The following YES1 variants were observed in gnomAD, a reference collection of about 807,000 sequenced individuals.
The protein encoded by YES1 is tyrosine-protein kinase Yes.
In YES1, 39 loss-of-function variants were observed where a neutral mutation model predicts 70.4. The ratio of observed to expected loss-of-function variants is 0.55; its 90% CI spans 0.43 to 0.72. The LOEUF (loss-of-function observed/expected upper bound fraction) is 0.72, where lower values mean the gene tolerates loss of function less well. Ranked by LOEUF, YES1 falls within the 30% of genes least tolerant of loss-of-function variation. The probability of loss-of-function intolerance (pLI) is 0.00; values close to 1 mark genes in which losing one functional copy is unlikely to be tolerated. For synonymous variants in YES1, 198 were observed against 218.6 expected (o/e 0.91, Z 0.83); for missense variants, 495 against 644.8 (o/e 0.77, Z 2.52).
chr18:746,011 A>G lies in YES1; in HGVS notation c.511T>C (p.Leu171=). 1.2e-6 allele frequency: 2 copies of G among 1,612,714 alleles called. No homozygotes were observed. The highest frequency in any genetic ancestry group is 1.7e-6 in the Non-Finnish European group (2 of 1,179,646). Residue 171 remains leucine, a synonymous_variant, in exon 5 of 12, where the codon TTA becomes CTA. Transcript: ENST00000314574. ...CGTTGATTTCCAGGATTCAAAAGTA[A>G]TCTTTCAGCATCTTTTCTCCCCATT... is the stretch of plus-strand genomic sequence containing the variant. ...GKMGRKDAER[L]LLNPGNQRGI...
At chr18:792,565 ATG>A (rs71174292) in intron 1 of YES1, among the ~76,000 whole-genome samples, 6,241 of 146,974 alleles carry the variant, frequency 0.042, 327 homozygotes, top group African/African-American at 0.12. Context: ...CCCTCTGTAT[ATG>A]TGTGTGTGTG....
chr18:797,748 T>C (rs1481497261), intron 1 of YES1, among the ~76,000 whole-genome samples: 2 of 152,218 alleles, frequency 1.3e-5, no homozygotes, highest in East Asian at 3.8e-4. Context: ...CTGCATTTAT[T>C]AACGTTCACC....
intron 1 of YES1, among the ~76,000 whole-genome samples, chr18:779,175 G>A (rs1364323143): frequency 6.6e-6 from 1 of 152,068 alleles, no homozygotes; most frequent in Admixed American, 6.6e-5. Flanking sequence ...GCTGAGGTGG[G>A]AGAATCACTT....
chr18:751,329 C>T (rs796860524), intron 3 of YES1, among the ~76,000 whole-genome samples: 71 of 151,810 alleles, frequency 4.7e-4, no homozygotes, highest in African/African-American at 1.7e-3. Flanking sequence ...CAACTTTCTC[C>T]CCCTCCTTTT....
chr18:800,478 G>A (rs1403399477), intron 1 of YES1, among the ~76,000 whole-genome samples: 2 of 152,182 alleles, frequency 1.3e-5, no homozygotes, highest in Admixed American at 6.5e-5. Flanking sequence ...ACATGTGAAG[G>A]AGTTGTACTG....
chr18:776,402 C>T (rs930883747), intron 1 of YES1, among the ~76,000 whole-genome samples: 2 of 152,052 alleles, frequency 1.3e-5, no homozygotes, highest in Non-Finnish European at 2.9e-5. Flanking sequence ...GTAGGAGTCT[C>T]TCACTGTGAT....
chr18:760,578 T>G (rs1416535619), intron 1 of YES1, among the ~76,000 whole-genome samples: 1 of 152,200 alleles, frequency 6.6e-6, no homozygotes, highest in Non-Finnish European at 1.5e-5. Flanking sequence ...ATCATGGACT[T>G]GAGCATCTGG....
chr18:782,493 G>A (rs1905722747), intron 1 of YES1, among the ~76,000 whole-genome samples: 1 of 151,992 alleles, frequency 6.6e-6, no homozygotes, highest in Non-Finnish European at 1.5e-5. Flanking sequence ...AAAATACTTA[G>A]GGCTCACTAC....
intron 1 of YES1, among the ~76,000 whole-genome samples, chr18:796,991 A>G (rs1367919987): frequency 1.3e-5 from 2 of 152,162 alleles, no homozygotes; most frequent in Non-Finnish European, 2.9e-5. Flanking sequence ...AACAAAACAA[A>G]AACCTGTAAG....
At chr18:731,559 C>T (rs189363898) in intron 11 of YES1, among the ~76,000 whole-genome samples, 4 of 152,254 alleles carry the variant, frequency 2.6e-5, no homozygotes, top group Admixed American at 6.5e-5. Context: ...TGCTTTCACT[C>T]TCAACATTAG....
At chr18:802,343 G>A (rs1343996177) in intron 1 of YES1, among the ~76,000 whole-genome samples, 1 of 152,186 alleles carries the variant, frequency 6.6e-6, no homozygotes. Flanking sequence ...CAAGGCAGGT[G>A]GATCACCTGA....
intron 8 of YES1, among the ~76,000 whole-genome samples, chr18:740,762 A>G (rs970153337): frequency 6.6e-6 from 1 of 152,244 alleles, no homozygotes; most frequent in African/African-American, 2.4e-5. Context: ...AAATAATTGT[A>G]CCCAGTGGTC....
At chr18:799,947 T>C (rs1035721611) in intron 1 of YES1, among the ~76,000 whole-genome samples, 5 of 152,208 alleles carry the variant, frequency 3.3e-5, no homozygotes, top group African/African-American at 9.6e-5. Flanking sequence ...GACATATATT[T>C]ATGGAATATG....
chr18:811,801 G>A (rs918704842), intron 1 of YES1, among the ~76,000 whole-genome samples: 1 of 152,066 alleles, frequency 6.6e-6, no homozygotes, highest in African/African-American at 2.4e-5. Flanking sequence ...TCGCCGGGCG[G>A]TCCACACGAC....
chr18:811,868 G>A (rs377488075), intron 1 of YES1, among the ~76,000 whole-genome samples: 29 of 152,286 alleles, frequency 1.9e-4, no homozygotes, highest in African/African-American at 7.0e-4. Flanking sequence ...GGTCGGACTT[G>A]GGCGGGACCC....
intron 1 of YES1, among the ~76,000 whole-genome samples, chr18:777,806 TAAAAAA>T (rs35073440): frequency 1.0e-4 from 13 of 129,268 alleles, no homozygotes; most frequent in Non-Finnish European, 1.6e-4. Flanking sequence ...GACTCTGGCT[TAAAAAA>T]AAAAAAAAAA....
At chr18:795,733 C>T (rs1358355822) in intron 1 of YES1, among the ~76,000 whole-genome samples, 1 of 121,388 alleles carries the variant, frequency 8.2e-6, no homozygotes, top group East Asian at 2.5e-4. Context: ...GGGAGGGGAA[C>T]ATCACACACT....
At chr18:759,698 T>A (rs1484934398) in intron 1 of YES1, among the ~76,000 whole-genome samples, 4 of 98,170 alleles carry the variant, frequency 4.1e-5, no homozygotes, top group African/African-American at 5.2e-5. Flanking sequence ...GGAGACAATT[T>A]ATTTATTTCT....
chr18:774,182 G>T (rs1905273890), intron 1 of YES1, among the ~76,000 whole-genome samples: 1 of 152,040 alleles, frequency 6.6e-6, no homozygotes, highest in African/African-American at 2.4e-5. Context: ...CCGTCTTACT[G>T]GCTGCTCCTT....
Sources: gnomAD v4.1 joint callset for allele counts (sites outside exome capture counted in the v4.1 genomes callset) on GRCh38, gnomAD v4.1.1 for gene constraint, MANE v1.5 for transcripts, NCBI Gene and HGNC (gene_info 2026-07-23, HGNC 2026-07-21) for gene names.